CRYBG1: variants seen among roughly 807,000 people sequenced by gnomAD.
The protein encoded by CRYBG1 is beta/gamma crystallin domain-containing protein 1.
In CRYBG1, 139 loss-of-function variants were observed where a neutral mutation model predicts 189.2. That is an observed-to-expected ratio of 0.73 (90% CI 0.64 to 0.85). The LOEUF (loss-of-function observed/expected upper bound fraction) is 0.85. CRYBG1 is among the 40% of genes least tolerant of loss of function. The pLI, the probability that CRYBG1 is intolerant of heterozygous loss-of-function variation, is 0.00. For missense variants in CRYBG1, 2,611 were observed against 2,675.8 expected, an observed-to-expected ratio of 0.98 and a Z score of 0.53; for synonymous variants, 1,023 against 1,017.1, an observed-to-expected ratio of 1.01 and a Z score of -0.11.
intron 1 of CRYBG1, among the ~76,000 whole-genome samples, chr6:106,440,083 A>C (rs990116189): frequency 1.3e-5 from 2 of 152,200 alleles, no homozygotes; most frequent in African/African-American, 4.8e-5. Context: ...AGCCCAGGGA[A>C]GACGTGGGGC....
intron 1 of CRYBG1, among the ~76,000 whole-genome samples, chr6:106,437,162 C>T (rs912749751): frequency 1.3e-4 from 20 of 152,122 alleles, no homozygotes; most frequent in Admixed American, 7.9e-4. Flanking sequence ...CTTTAATTTG[C>T]ATATAGGGAA....
intron 1 of CRYBG1, among the ~76,000 whole-genome samples, chr6:106,392,312 G>A (rs1173784721): frequency 2.0e-5 from 3 of 152,128 alleles, no homozygotes; most frequent in Non-Finnish European, 4.4e-5. Context: ...CCATCATCTT[G>A]AAAAAGGCAA....
chr6:106,394,411 T>C (rs967173967), intron 1 of CRYBG1, among the ~76,000 whole-genome samples: 4 of 152,248 alleles, frequency 2.6e-5, no homozygotes, highest in Non-Finnish European at 4.4e-5. Context: ...TTATCACATA[T>C]ACTTGAGAAT....
At position 106,560,840 on chromosome 6, in the gene CRYBG1, C is replaced by A; in HGVS notation, c.5893C>A (p.Gln1965Lys). Residue 1965 changes from glutamine to lysine, a missense_variant, in exon 19 of 22, where the codon CAG becomes AAG. By Grantham distance (53) the Gln-to-Lys change is moderately conservative. Transcript: ENST00000633556. ...TGAATATGGCAGTTACAGAGGGCGA[C>A]AGTTCCTATTGTCACCTGCAGAAGT... is the stretch of plus-strand genomic sequence containing the variant. ...TYEYGSYRGR[Q>K]FLLSPAEVPN... 6.2e-7 allele frequency: 1 copy of A among 1,613,512 alleles called. No individual in the cohort carries two copies. The highest frequency in any genetic ancestry group is 8.5e-7 in the Non-Finnish European group (1 of 1,179,748).
intron 2 of CRYBG1, among the ~76,000 whole-genome samples, chr6:106,496,017 G>A (rs1582796019): frequency 6.6e-6 from 1 of 152,084 alleles, no homozygotes; most frequent in Non-Finnish European, 1.5e-5. Flanking sequence ...TCTTTCAAAT[G>A]TGTTCCCAGT....
At chr6:106,435,385 G>A (rs1381563660) in intron 1 of CRYBG1, among the ~76,000 whole-genome samples, 2 of 151,996 alleles carry the variant, frequency 1.3e-5, no homozygotes, top group Non-Finnish European at 2.9e-5. Context: ...GGTTGGTCTT[G>A]AACTCCTGGG....
At chr6:106,559,591 C>T (rs2114595952) in intron 18 of CRYBG1, among the ~76,000 whole-genome samples, 1 of 152,190 alleles carries the variant, frequency 6.6e-6, no homozygotes, top group East Asian at 1.9e-4. Context: ...CAGGACCAGC[C>T]TGGCCAACGT....
chr6:106,365,115 T>G (rs904934538), intron 1 of CRYBG1, among the ~76,000 whole-genome samples: 3 of 152,144 alleles, frequency 2.0e-5, no homozygotes, highest in African/African-American at 7.2e-5. Context: ...TTTTTAAATA[T>G]TAAAAATAGT....
intron 1 of CRYBG1, among the ~76,000 whole-genome samples, chr6:106,363,464 G>T (rs1771919782): frequency 2.0e-5 from 3 of 152,236 alleles, no homozygotes; most frequent in African/African-American, 7.2e-5. Context: ...TTCTAAGAGA[G>T]TGTACTTCTT....
intron 1 of CRYBG1, among the ~76,000 whole-genome samples, chr6:106,396,899 C>T (rs1770624307): frequency 6.6e-6 from 1 of 152,218 alleles, no homozygotes; most frequent in Non-Finnish European, 1.5e-5. Flanking sequence ...CCAAGCTGAT[C>T]TCGAACTCCT....
At chr6:106,476,401 A>G (rs1483726547) in intron 2 of CRYBG1, among the ~76,000 whole-genome samples, 1 of 152,196 alleles carries the variant, frequency 6.6e-6, no homozygotes, top group Non-Finnish European at 1.5e-5. Context: ...ATAAACGTCA[A>G]GGCCCTTTTC....
intron 1 of CRYBG1, among the ~76,000 whole-genome samples, chr6:106,382,039 C>T (rs1052690241): frequency 6.6e-6 from 1 of 152,184 alleles, no homozygotes; most frequent in African/African-American, 2.4e-5. Flanking sequence ...AAGCAATGAA[C>T]AGTCCTCCTC....
intron 2 of CRYBG1, among the ~76,000 whole-genome samples, chr6:106,481,498 C>G (rs967595512): frequency 2.0e-5 from 3 of 152,132 alleles, no homozygotes; most frequent in African/African-American, 7.2e-5. Context: ...TCTGCATCTC[C>G]TCTCTCTGAA....
chr6:106,504,190 G>A (rs547824558), intron 2 of CRYBG1, among the ~76,000 whole-genome samples: 2 of 152,224 alleles, frequency 1.3e-5, no homozygotes, highest in South Asian at 4.1e-4. Context: ...AAGCAGCATG[G>A]GGCAAGCAGA....
intron 1 of CRYBG1, among the ~76,000 whole-genome samples, chr6:106,408,570 A>C (rs1313264557): frequency 6.6e-6 from 1 of 152,226 alleles, no homozygotes; most frequent in Non-Finnish European, 1.5e-5. Flanking sequence ...ACACAAAAAA[A>C]GAAAATTTCA....
chr6:106,454,231 C>T (rs765755886), intron 2 of CRYBG1, among the ~76,000 whole-genome samples: 1 of 152,066 alleles, frequency 6.6e-6, no homozygotes, highest in South Asian at 2.1e-4. Flanking sequence ...ATACCAGGGC[C>T]GGGAGGAGGC....
At chr6:106,464,883 A>C (rs935165237) in intron 2 of CRYBG1, among the ~76,000 whole-genome samples, 28 of 152,378 alleles carry the variant, frequency 1.8e-4, no homozygotes, top group African/African-American at 6.5e-4. Context: ...ATTTTACAAA[A>C]TGACAATATG....
intron 1 of CRYBG1, among the ~76,000 whole-genome samples, chr6:106,361,977 T>TTCTTTCTTTCTTTCTTTC (rs1562285549): frequency 4.8e-5 from 1 of 20,918 alleles, no homozygotes; most frequent in Admixed American, 4.5e-4. Flanking sequence ...TTCTTTTTTT[T>TTCTTTCTTTCTTTCTTTC]TTTTTTTTTC....
intron 2 of CRYBG1, among the ~76,000 whole-genome samples, chr6:106,474,742 G>A (rs898811642): frequency 7.9e-5 from 12 of 152,140 alleles, no homozygotes; most frequent in Non-Finnish European, 1.5e-4. Context: ...ATGGGCAGGC[G>A]TAGGAGGTCA....
Sources: allele counts gnomAD v4.1 joint callset (sites outside exome capture counted in the v4.1 genomes callset), GRCh38; gene constraint gnomAD v4.1.1; transcripts MANE v1.5; gene names NCBI Gene and HGNC (gene_info 2026-07-23, HGNC 2026-07-21).